Variants in ASCC3 observed in about 807,000 individuals in gnomAD.
The protein encoded by ASCC3 is activating signal cointegrator 1 complex subunit 3, also known as ASC-1 complex subunit P200.
Under a neutral mutation model 256.3 loss-of-function variants are expected in ASCC3, and 158 were observed. The observed-to-expected ratio is 0.62, with a 90% CI of 0.54 to 0.70. The LOEUF (loss-of-function observed/expected upper bound fraction) is 0.70, where lower values mean the gene tolerates loss of function less well. ASCC3 is among the 30% of genes least tolerant of loss of function. The probability of loss-of-function intolerance (pLI) is 0.00; values close to 1 mark genes in which losing one functional copy is unlikely to be tolerated. For missense variants in ASCC3, 2,259 were observed against 2,626.0 expected (o/e 0.86, Z 3.05); for synonymous variants, 948 against 883.4 (o/e 1.07, Z -1.30).
chr6:100,657,147 T>A (rs1398145381), intron 16 of ASCC3, among the ~76,000 whole-genome samples: 1 of 151,300 alleles, frequency 6.6e-6, no homozygotes, highest in Admixed American at 6.6e-5. Flanking sequence ...TTCATTATAG[T>A]ATTATGATAT....
intron 13 of ASCC3, among the ~76,000 whole-genome samples, chr6:100,684,347 A>C (rs1236118004): frequency 2.0e-5 from 3 of 152,202 alleles, no homozygotes; most frequent in South Asian, 2.1e-4. Context: ...TGGCTCTAAA[A>C]TTTTAGAAAG....
intron 37 of ASCC3, chr6:100,531,000 TTG>T (rs1385573724): frequency 6.3e-7 from 1 of 1,595,182 alleles, no homozygotes; most frequent in Non-Finnish European, 8.6e-7. Context: ...ATTGATGACT[TTG>T]TGGAATTTGC....
intron 8 of ASCC3, 143 bp downstream of exon 8, chr6:100,798,570 C>T: frequency 1.7e-6 from 2 of 1,211,348 alleles, no homozygotes; most frequent in East Asian, 2.5e-5. Context: ...AACTCTCCTA[C>T]TGTAATTCTC....
chr6:100,817,590 C>T (rs1770816233), intron 4 of ASCC3, among the ~76,000 whole-genome samples: 1 of 144,904 alleles, frequency 6.9e-6, no homozygotes, highest in African/African-American at 2.6e-5. Context: ...TAAGTTAGGA[C>T]ATCACTACTA....
chr6:100,839,959 A>G (rs1772058190), intron 4 of ASCC3, among the ~76,000 whole-genome samples: 1 of 152,232 alleles, frequency 6.6e-6, no homozygotes, highest in African/African-American at 2.4e-5. Flanking sequence ...GATCTGTAAT[A>G]GCAGATAAAT....
At chr6:100,853,454 C>T (rs1358620916) in intron 3 of ASCC3, among the ~76,000 whole-genome samples, 2 of 129,984 alleles carry the variant, frequency 1.5e-5, no homozygotes, top group Non-Finnish European at 3.2e-5. Context: ...CGGAGTCTTG[C>T]TCTGTCACCC....
At chr6:100,851,633 G>C (rs1176943897) in intron 3 of ASCC3, among the ~76,000 whole-genome samples, 1 of 152,070 alleles carries the variant, frequency 6.6e-6, no homozygotes, top group Non-Finnish European at 1.5e-5. Context: ...TTTAAACCTT[G>C]CTGGGTTGTG....
At chr6:100,556,107 G>A (rs763468198) in intron 36 of ASCC3, among the ~76,000 whole-genome samples, 1 of 151,850 alleles carries the variant, frequency 6.6e-6, no homozygotes, top group Admixed American at 6.6e-5. Context: ...ATTTCTACTG[G>A]GTATGAGAAT....
rs190684122 is a variant in ASCC3, at chr6:100,542,065, A to C, written c.5551-1678T>G. ...ATCAATGAGTTGTGAGACAACTTCA[A>C]GTGGCCTAATGCACAGTGTGGAAGG... On this transcript the variant is annotated intron_variant, in intron 36 of 41. Coordinates refer to ENST00000369162, the MANE Select transcript of ASCC3 (RefSeq NM_006828.4). Among the ~76,000 whole-genome samples the C allele has an allele frequency of 2.6e-3, 391 of 152,334 alleles. 2 individuals are homozygous for C. Among genetic ancestry groups the C allele is most frequent in the African/African-American group, 8.7e-3 (360 of 41,574 alleles).
intron 4 of ASCC3, among the ~76,000 whole-genome samples, chr6:100,844,351 G>A (rs846774): frequency 0.56 from 84,212 of 150,764 alleles, 24,713 homozygotes; most frequent in Non-Finnish European, 0.65. Context: ...GCCTGGTTCG[G>A]GTCCATACAT....
At chr6:100,641,841 G>A (rs1204057522) in intron 24 of ASCC3, among the ~76,000 whole-genome samples, 1 of 152,102 alleles carries the variant, frequency 6.6e-6, no homozygotes, top group Non-Finnish European at 1.5e-5. Flanking sequence ...GCCATAGAAA[G>A]GATGAGTGCA....
At chr6:100,591,054 T>C (rs1771976847) in intron 34 of ASCC3, among the ~76,000 whole-genome samples, 1 of 152,060 alleles carries the variant, frequency 6.6e-6, no homozygotes, top group East Asian at 1.9e-4. Flanking sequence ...TACTTTAATT[T>C]TGATCTATTG....
intron 14 of ASCC3, among the ~76,000 whole-genome samples, chr6:100,669,172 T>C (rs1254063318): frequency 1.3e-5 from 2 of 150,492 alleles, no homozygotes; most frequent in Non-Finnish European, 3.0e-5. Flanking sequence ...AACATTTTTC[T>C]TTTCCTTAAT....
chr6:100,879,607 CAGACCAAAGTGA>C (rs1442933737), intron 1 of ASCC3, among the ~76,000 whole-genome samples: 1 of 152,100 alleles, frequency 6.6e-6, no homozygotes, highest in African/African-American at 2.4e-5. Context: ...GGAGATCAAT[CAGACCAAAGTGA>C]AGACTGGAAA....
intron 6 of ASCC3, among the ~76,000 whole-genome samples, 171 bp from the exon 7 acceptor site, chr6:100,799,743 T>G (rs762515166): frequency 6.6e-6 from 1 of 152,024 alleles, no homozygotes; most frequent in Non-Finnish European, 1.5e-5. Context: ...AGTGACAAAA[T>G]AGGATTCAGT....
intron 23 of ASCC3, among the ~76,000 whole-genome samples, chr6:100,643,179 A>T (rs1775212593): frequency 6.6e-6 from 1 of 152,122 alleles, no homozygotes; most frequent in African/African-American, 2.4e-5. Context: ...AGCAGACAAA[A>T]GCAATGAATA....
At chr6:100,705,143 G>A (rs1358113372) in intron 13 of ASCC3, among the ~76,000 whole-genome samples, 1 of 152,016 alleles carries the variant, frequency 6.6e-6, no homozygotes, top group Non-Finnish European at 1.5e-5. Context: ...GCCAAGAAGA[G>A]CTTGAAGTCT....
chr6:100,658,223 T>G (rs1211768189), intron 16 of ASCC3, among the ~76,000 whole-genome samples: 1 of 151,526 alleles, frequency 6.6e-6, no homozygotes, highest in Non-Finnish European at 1.5e-5. Flanking sequence ...TTTCTAAAAG[T>G]GGCATTAGTA....
chr6:100,587,483 T>A (rs764922112), intron 36 of ASCC3, among the ~76,000 whole-genome samples: 2 of 152,164 alleles, frequency 1.3e-5, no homozygotes, highest in Non-Finnish European at 2.9e-5. Flanking sequence ...TACCTACGTA[T>A]CTCCTTGTCA....
Sources: allele counts gnomAD v4.1 joint callset (sites outside exome capture counted in the v4.1 genomes callset), GRCh38; gene constraint gnomAD v4.1.1; transcripts MANE v1.5; gene names NCBI Gene and HGNC (gene_info 2026-07-23, HGNC 2026-07-21).